KCNK13: variants seen among roughly 807,000 people sequenced by gnomAD.
KCNK13 encodes potassium two pore domain channel subfamily K member 13.
KCNK13 carries 12 observed loss-of-function variants against 23.4 expected under a neutral mutation model. That is an observed-to-expected ratio of 0.51 (90% CI 0.33 to 0.83). The LOEUF (loss-of-function observed/expected upper bound fraction) is 0.83. Ranked by LOEUF, KCNK13 falls within the 40% of genes least tolerant of loss-of-function variation. KCNK13 has a pLI of 0.02. For synonymous variants in KCNK13, 231 were observed against 229.5 expected, an observed-to-expected ratio of 1.01 and a Z score of -0.06; for missense variants, 463 against 556.3, an observed-to-expected ratio of 0.83 and a Z score of 1.69.
chr14:90,089,505 A>C (rs1048714383), intron 1 of KCNK13, among the ~76,000 whole-genome samples: 2 of 152,232 alleles, frequency 1.3e-5, no homozygotes, highest in Non-Finnish European at 2.9e-5. Flanking sequence ...ATAGAGCATA[A>C]AGTTTGGAAA....
intron 1 of KCNK13, among the ~76,000 whole-genome samples, chr14:90,104,110 T>C (rs1889514784): frequency 6.6e-6 from 1 of 152,198 alleles, no homozygotes; most frequent in Non-Finnish European, 1.5e-5. Flanking sequence ...TCTTACCCTT[T>C]TCTGAAAACT....
At chr14:90,142,026 A>T (rs1165467974) in intron 1 of KCNK13, among the ~76,000 whole-genome samples, 1 of 150,176 alleles carries the variant, frequency 6.7e-6, no homozygotes, top group Non-Finnish European at 1.5e-5. Context: ...TGACCTCATG[A>T]TCCGTCCGCC....
rs562547841 is a variant in KCNK13, at chr14:90,150,166, A to G, written c.335-33945A>G. 2.6e-5 allele frequency among the ~76,000 whole-genome samples: 4 copies of G among 152,284 alleles called. No individual in the cohort carries two copies. The East Asian group carries it at 7.7e-4, about 29-fold the overall frequency. On this transcript the variant is annotated intron_variant, in intron 1 of 1. Coordinates refer to ENST00000282146, the MANE Select transcript of KCNK13 (RefSeq NM_022054.4). ...CGCTGTAGAAATTTCCCAGCCAAAG[A>G]AGGGAGTGGAAAACTGAAAGAGCAT...
intron 1 of KCNK13, among the ~76,000 whole-genome samples, chr14:90,110,182 C>T (rs1889597977): frequency 6.6e-6 from 1 of 152,110 alleles, no homozygotes; most frequent in Non-Finnish European, 1.5e-5. Context: ...GCTACTACAG[C>T]TTTAATGTGC....
chr14:90,063,660 A>G (rs895101825), intron 1 of KCNK13, among the ~76,000 whole-genome samples: 1 of 152,132 alleles, frequency 6.6e-6, no homozygotes, highest in African/African-American at 2.4e-5. Context: ...TGTGCACTCT[A>G]GAAGAGCTCG....
intron 1 of KCNK13, among the ~76,000 whole-genome samples, chr14:90,113,311 C>G (rs1250075691): frequency 1.3e-5 from 2 of 152,044 alleles, no homozygotes; most frequent in Non-Finnish European, 2.9e-5. Context: ...TAATGGAATT[C>G]ACTGAGGAAA....
At chr14:90,172,949 A>T (rs1230637743) in intron 1 of KCNK13, among the ~76,000 whole-genome samples, 1 of 152,254 alleles carries the variant, frequency 6.6e-6, no homozygotes, top group Non-Finnish European at 1.5e-5. Flanking sequence ...TGAATGAGGC[A>T]GTAAATTCAC....
At chr14:90,127,817 T>TAAAAAA (rs35453411) in intron 1 of KCNK13, among the ~76,000 whole-genome samples, 1 of 85,134 alleles carries the variant, frequency 1.2e-5, no homozygotes. Context: ...AGATGCTATC[T>TAAAAAA]AAAAAAAAAA....
At chr14:90,080,567 A>G (rs1185459217) in intron 1 of KCNK13, among the ~76,000 whole-genome samples, 2 of 152,188 alleles carry the variant, frequency 1.3e-5, no homozygotes, top group Non-Finnish European at 2.9e-5. Context: ...TATTGTTACT[A>G]TCTTAGGAGG....
intron 1 of KCNK13, among the ~76,000 whole-genome samples, chr14:90,087,103 T>G (rs1596771532): frequency 7.0e-6 from 1 of 143,036 alleles, no homozygotes; most frequent in South Asian, 2.2e-4. Context: ...ATTATTTCAT[T>G]TTATATATAT....
At chr14:90,071,232 G>T (rs1048644776) in intron 1 of KCNK13, among the ~76,000 whole-genome samples, 1 of 152,150 alleles carries the variant, frequency 6.6e-6, no homozygotes, top group African/African-American at 2.4e-5. Flanking sequence ...TGGGCTCCTT[G>T]GGGTCCTGTC....
rs1888947528 is a variant in KCNK13, at chr14:90,062,082, C to T, written c.-124C>T. ...TGCGGGAGAGCCCGGCGGTCATGGG[C>T]GAGCCGGCGGTGGGGCGCCCGGGAG... is the stretch of plus-strand genomic sequence containing the variant. On this transcript the variant is annotated 5_prime_UTR_variant, in exon 1 of 2. Coordinates refer to ENST00000282146, the MANE Select transcript of KCNK13 (RefSeq NM_022054.4). This position sits in a 1 kb window ranked among gnomAD's most constrained non-coding sequence, Gnocchi z 4.5. 3 of 590,238 alleles carry T rather than the reference C, an allele frequency of 5.1e-6. No individual in the cohort carries two copies. The highest frequency in any genetic ancestry group is 7.7e-6 in the Non-Finnish European group (3 of 391,878). The allele number at this position is 590,238 out of a possible 1,614,324, so 36.6% of individuals were successfully genotyped here.
In KCNK13 at chr14:90,062,502, C is replaced by T. The variant is rs779664984; in HGVS notation, c.297C>T (p.Gly99=). Residue 99 remains glycine (G), a synonymous_variant, in exon 1 of 2, where the codon GGC becomes GGT. Coordinates refer to ENST00000282146, the MANE Select transcript of KCNK13 (RefSeq NM_022054.4). This position sits in a 1 kb window ranked among gnomAD's most constrained non-coding sequence, Gnocchi z 4.5. ...DNVRPRWDFT[G]AFYFVGTVVS... ...TCCGCCCGCGCTGGGACTTCACCGG[C>T]GCCTTCTACTTCGTGGGCACCGTCG... 1.3e-6 allele frequency: 2 copies of T among 1,531,128 alleles called. No individual in the cohort carries two copies. The highest frequency in any genetic ancestry group is 2.8e-5 in the African/African-American group (2 of 71,492). 94.8% of individuals were successfully genotyped at this position (1,531,128 alleles called of 1,614,324 possible).
chr14:90,091,720 T>C (rs1889345944), intron 1 of KCNK13, among the ~76,000 whole-genome samples: 1 of 146,222 alleles, frequency 6.8e-6, no homozygotes, highest in South Asian at 2.2e-4. Context: ...GGTAGAGTGC[T>C]CCTGAAGATG....
At position 90,181,083 on chromosome 14, in the gene KCNK13, C is replaced by T. The variant is rs374467357; in HGVS notation, c.335-3028C>T. On this transcript the variant is annotated intron_variant, in intron 1 of 1. Transcript: ENST00000282146. ...GGTTGGCCAGGATAGTCTTGATCTC[C>T]TGACCTCATGATCCGCCCACCTCGG... 3.5e-3 allele frequency among the ~76,000 whole-genome samples: 532 copies of T among 152,244 alleles called. 4 individuals carry two copies. The highest frequency in any genetic ancestry group is 0.012 in the African/African-American group (509 of 41,556).
At chr14:90,093,392 A>T (rs1165969172) in intron 1 of KCNK13, among the ~76,000 whole-genome samples, 1 of 152,174 alleles carries the variant, frequency 6.6e-6, no homozygotes, top group Non-Finnish European at 1.5e-5. Context: ...TCAGTTGGAG[A>T]TGGAGTCAGT....
intron 1 of KCNK13, chr14:90,108,008 C>T (rs1431365385): frequency 2.9e-6 from 2 of 686,148 alleles, no homozygotes; most frequent in Non-Finnish European, 5.5e-6. Flanking sequence ...ACAGAGCAGG[C>T]CACACGCTGA....
At chr14:90,163,690 T>C (rs1259930325) in intron 1 of KCNK13, among the ~76,000 whole-genome samples, 1 of 152,090 alleles carries the variant, frequency 6.6e-6, no homozygotes, top group Non-Finnish European at 1.5e-5. Flanking sequence ...CTTATTTATT[T>C]ATTTATTTAT....
chr14:90,146,082 G>T (rs1419815348), intron 1 of KCNK13, among the ~76,000 whole-genome samples: 1 of 152,082 alleles, frequency 6.6e-6, no homozygotes, highest in Admixed American at 6.6e-5. Flanking sequence ...AGTTATAATT[G>T]CAAATTTGTC....
Sources: gnomAD v4.1 joint callset for allele counts (sites outside exome capture counted in the v4.1 genomes callset) on GRCh38, gnomAD v4.1.1 for gene constraint, Gnocchi (gnomAD v3.1) non-coding constraint, MANE v1.5 for transcripts, NCBI Gene and HGNC (gene_info 2026-07-23, HGNC 2026-07-21) for gene names.